The following PIP5K1C variants were observed in gnomAD, a reference collection of about 807,000 sequenced individuals.
PIP5K1C encodes the protein phosphatidylinositol 4-phosphate 5-kinase type-1 gamma.
A neutral mutation model predicts 80.1 loss-of-function variants in PIP5K1C; 45 were observed. The observed-to-expected ratio is 0.56, with a 90% CI of 0.44 to 0.72. The LOEUF is 0.72. PIP5K1C is among the 30% of genes least tolerant of loss of function. The probability of loss-of-function intolerance (pLI) is 0.00; values close to 1 mark genes in which losing one functional copy is unlikely to be tolerated. For missense variants in PIP5K1C, 753 were observed against 954.6 expected (o/e 0.79, Z 2.78); for synonymous variants, 498 against 420.1 (o/e 1.19, Z -2.27).
chr19:3,641,264 T>C (rs1037820466), intron 15 of PIP5K1C, among the ~76,000 whole-genome samples: 1 of 151,930 alleles, frequency 6.6e-6, no homozygotes, highest in African/African-American at 2.4e-5. Context: ...AATTAATAAA[T>C]ACTAAAAAGG....
chr19:3,694,793 C>T (rs2036050884), intron 1 of PIP5K1C, among the ~76,000 whole-genome samples: 1 of 152,258 alleles, frequency 6.6e-6, no homozygotes, highest in Non-Finnish European at 1.5e-5. Context: ...CAGTCACCTC[C>T]CTCCGAGTCC....
rs1324558147 is a variant in PIP5K1C at position 3,655,978 on chromosome 19, T to C, written c.621+427A>G. On this transcript the variant is annotated intron_variant, in intron 6 of 17. Coordinates refer to ENST00000335312, the MANE Select transcript of PIP5K1C (RefSeq NM_012398.3). ...ACGCCTGCCTGAGCAGCTGGTCTTT[T>C]GTGGGGTACCATCTGGTGGCCCATC... 2.0e-5 allele frequency among the ~76,000 whole-genome samples: 3 copies of C among 152,222 alleles called. No homozygotes were observed. In the East Asian group the frequency reaches 5.8e-4, roughly 29 times the overall value.
At chr19:3,663,026 A>G (rs1299969661) in intron 3 of PIP5K1C, among the ~76,000 whole-genome samples, 1 of 150,222 alleles carries the variant, frequency 6.7e-6, no homozygotes, top group Non-Finnish European at 1.5e-5. Flanking sequence ...ACACCCGGCT[A>G]ATTATTTTTT....
chr19:3,675,795 C>G (rs1020783826), intron 1 of PIP5K1C, among the ~76,000 whole-genome samples: 4 of 152,190 alleles, frequency 2.6e-5, no homozygotes, highest in Non-Finnish European at 5.9e-5. Context: ...CTGGGCACTG[C>G]AGGGTGCCGA....
In PIP5K1C at chr19:3,637,986, A is replaced by T. The variant is rs1168962892; in HGVS notation, c.1920+898T>A. ...CCCTTCTCCAGGGCCAGGTGGGTGC[A>T]TGGGGACCCCAGAGGCGCCACTGGA... is the stretch of plus-strand genomic sequence containing the variant. On this transcript the variant is annotated intron_variant, in intron 16 of 17. Coordinates refer to ENST00000335312, the MANE Select transcript of PIP5K1C (RefSeq NM_012398.3). The surrounding 1 kb of genome is among the most constrained non-coding windows in gnomAD (Gnocchi z 7.0). 6.5e-7 allele frequency: 1 copy of T among 1,527,852 alleles called. No individual in the cohort carries two copies. The highest frequency in any genetic ancestry group is 2.4e-5 in the East Asian group (1 of 40,856). 94.6% of individuals were successfully genotyped at this position (1,527,852 alleles called of 1,614,324 possible).
At chr19:3,670,120 T>C (rs1600041704) in intron 1 of PIP5K1C, among the ~76,000 whole-genome samples, 2 of 132,068 alleles carry the variant, frequency 1.5e-5, no homozygotes, top group Admixed American at 7.4e-5. Flanking sequence ...GGGGCTGGGG[T>C]CAGGAGCCTC....
At chr19:3,642,667 A>G (rs2034012665) in intron 14 of PIP5K1C, among the ~76,000 whole-genome samples, 1 of 152,170 alleles carries the variant, frequency 6.6e-6, no homozygotes, top group Non-Finnish European at 1.5e-5. Context: ...TTAAAAAAAA[A>G]ACTTAATAGA....
At chr19:3,670,341 G>A (rs995475929) in intron 1 of PIP5K1C, among the ~76,000 whole-genome samples, 1 of 152,082 alleles carries the variant, frequency 6.6e-6, no homozygotes, top group African/African-American at 2.4e-5. Context: ...GAGTGGGGTG[G>A]GCCCTGGATC....
chr19:3,693,144 C>T (rs1013413319), intron 1 of PIP5K1C, among the ~76,000 whole-genome samples: 2 of 152,174 alleles, frequency 1.3e-5, no homozygotes, highest in African/African-American at 4.8e-5. Flanking sequence ...CCCCCAGGCT[C>T]CCAGCACCCG....
intron 1 of PIP5K1C, among the ~76,000 whole-genome samples, chr19:3,685,344 G>A (rs911773599): frequency 6.6e-6 from 1 of 152,152 alleles, no homozygotes; most frequent in African/African-American, 2.4e-5. Context: ...CAGGAGTCTC[G>A]CTGATTATAT....
intron 1 of PIP5K1C, among the ~76,000 whole-genome samples, chr19:3,680,176 G>A (rs932689528): frequency 1.3e-5 from 2 of 152,200 alleles, no homozygotes; most frequent in African/African-American, 2.4e-5. Flanking sequence ...TCAGGTGATT[G>A]TCTGTTGGCT....
chr19:3,666,577 G>A (rs1411215474), intron 2 of PIP5K1C, among the ~76,000 whole-genome samples: 2 of 151,708 alleles, frequency 1.3e-5, no homozygotes, highest in Non-Finnish European at 3.0e-5. Flanking sequence ...ATGCACTCAG[G>A]CAAACATGAA....
At chr19:3,660,096 G>A (rs2034781423) in intron 5 of PIP5K1C, among the ~76,000 whole-genome samples, 1 of 152,144 alleles carries the variant, frequency 6.6e-6, no homozygotes, top group Admixed American at 6.5e-5. Flanking sequence ...CCAGCACTTC[G>A]GGAGGCTGAG....
intron 2 of PIP5K1C, among the ~76,000 whole-genome samples, chr19:3,665,254 C>T (rs764505896): frequency 3.9e-4 from 60 of 152,254 alleles, no homozygotes; most frequent in African/African-American, 1.3e-3. Context: ...GGGGCTGGAC[C>T]GTTCTTTGGG....
chr19:3,665,084 T>C (rs921753929), intron 2 of PIP5K1C, among the ~76,000 whole-genome samples, 170 bp from the exon 3 acceptor site: 5 of 152,144 alleles, frequency 3.3e-5, no homozygotes, highest in Non-Finnish European at 7.4e-5. Context: ...CCCTCACCCG[T>C]GGGCGCCTGG....
chr19:3,650,787 G>C (rs1599959067), intron 8 of PIP5K1C, among the ~76,000 whole-genome samples: 2 of 152,098 alleles, frequency 1.3e-5, no homozygotes, highest in Non-Finnish European at 2.9e-5. Context: ...ACAGAGTTTA[G>C]CTCTTGTTGC....
Position 3,646,065 on chromosome 19 carries a change from G to T in PIP5K1C, c.1261-7C>A. The T allele has an allele frequency of 6.2e-7, 1 of 1,601,682 alleles. No homozygotes were observed. The highest frequency in any genetic ancestry group is 8.5e-7 in the Non-Finnish European group (1 of 1,169,896). ...GGTGGACGGACACCGTGTCCTGGAA[G>T]AGAGTTGGGGGGGGTGCCCGGGGGC... On this transcript the variant is annotated splice_polypyrimidine_tract_variant and splice_region_variant and intron_variant, in intron 10 of 17. Coordinates refer to ENST00000335312, the MANE Select transcript of PIP5K1C (RefSeq NM_012398.3).
rs1042208951 is a variant in PIP5K1C at position 3,648,859 on chromosome 19, C to A, written c.1128-151G>T. On this transcript the variant is annotated intron_variant, in intron 8 of 17. Coordinates refer to ENST00000335312, the MANE Select transcript of PIP5K1C (RefSeq NM_012398.3). This position sits in a 1 kb window ranked among gnomAD's most constrained non-coding sequence, Gnocchi z 4.3. Reference sequence around the variant, plus strand: ...GGAGTGGGGCCTGGCACCCGGGAACCTCTGTCCTGACATCCCTCCATCACC... The same window carrying A: ...GGAGTGGGGCCTGGCACCCGGGAACATCTGTCCTGACATCCCTCCATCACC... 1.3e-5 allele frequency: 9 copies of A among 667,542 alleles called. No homozygotes were observed. The highest frequency in any genetic ancestry group is 1.2e-4 in the African/African-American group (7 of 56,446). The allele number at this position is 667,542 out of a possible 1,614,324, so 41.4% of individuals were successfully genotyped here.
intron 8 of PIP5K1C, chr19:3,649,849 T>G: frequency 8.2e-6 from 2 of 245,324 alleles, no homozygotes; most frequent in South Asian, 7.7e-5. Flanking sequence ...GGGAGTTAAC[T>G]GTCACCCGGC....
Sources: allele counts gnomAD v4.1 joint callset (sites outside exome capture counted in the v4.1 genomes callset), GRCh38; gene constraint gnomAD v4.1.1; non-coding constraint Gnocchi (gnomAD v3.1); transcripts MANE v1.5; gene names NCBI Gene and HGNC (gene_info 2026-07-23, HGNC 2026-07-21).